The following PHF3 variants were observed in gnomAD, a reference collection of about 807,000 sequenced individuals.
PHF3 encodes PHD finger protein 3.
Under a neutral mutation model 178.4 loss-of-function variants are expected in PHF3, and 41 were observed. That is an observed-to-expected ratio of 0.23 (90% confidence interval 0.18 to 0.30). The LOEUF (loss-of-function observed/expected upper bound fraction) is 0.30. Ranked by LOEUF, PHF3 falls within the 10% of genes least tolerant of loss-of-function variation. The pLI is 1.00. For synonymous variants in PHF3, 842 were observed against 800.5 expected (o/e 1.05, Z -0.88); for missense variants, 2,346 against 2,398.1 (o/e 0.98, Z 0.45).
rs1767192719 is a variant in PHF3 at position 63,695,447 on chromosome 6, C to T, written c.2680+683C>T. On this transcript the variant is annotated intron_variant, in intron 6 of 15. Coordinates refer to ENST00000262043, the MANE Select transcript of PHF3 (RefSeq NM_001370348.2). ...GATGTGATTAATTTCTCCCAAGGAT[C>T]CCAGAATTCCAGTTTTACTAGTAAT... is the stretch of plus-strand genomic sequence containing the variant. Among the ~76,000 whole-genome samples the T allele has an allele frequency of 2.6e-5, 4 of 152,156 alleles. No homozygotes were observed. The South Asian group carries it at 8.3e-4, about 32-fold the overall frequency.
In PHF3 at chr6:63,713,713, T is replaced by C. The variant is rs1582131910; in HGVS notation, c.*5T>C. The C allele has an allele frequency of 6.5e-7, 1 of 1,543,018 alleles. No individual in the cohort carries two copies. Among genetic ancestry groups the C allele is most frequent in the East Asian group, 2.3e-5 (1 of 43,942 alleles). On this transcript the variant is annotated 3_prime_UTR_variant, in exon 16 of 16. Coordinates refer to ENST00000262043, the MANE Select transcript of PHF3 (RefSeq NM_001370348.2). ...AGAACTAAAAGCAAAAGGTAAAATT[T>C]GCAGGCTGCTTCAGGATTACATTTA... is the stretch of plus-strand genomic sequence containing the variant.
At chr6:63,686,569 C>G (rs1159107763) in intron 4 of PHF3, among the ~76,000 whole-genome samples, 1 of 152,114 alleles carries the variant, frequency 6.6e-6, no homozygotes, top group East Asian at 1.9e-4. Context: ...ATCATTCTTT[C>G]TAGTATTCAG....
intron 2 of PHF3, among the ~76,000 whole-genome samples, chr6:63,677,530 G>A (rs960447941): frequency 3.3e-5 from 5 of 152,170 alleles, no homozygotes; most frequent in African/African-American, 1.2e-4. Flanking sequence ...TTTGGCTTGC[G>A]AAATCCTGTT....
At chr6:63,641,011 A>G (rs544043403) in intron 1 of PHF3, among the ~76,000 whole-genome samples, 7 of 152,242 alleles carry the variant, frequency 4.6e-5, no homozygotes. Context: ...GATACAAAGC[A>G]TGTAGAACAA....
intron 1 of PHF3, among the ~76,000 whole-genome samples, chr6:63,637,798 A>G (rs904565504): frequency 7.2e-5 from 11 of 152,332 alleles, no homozygotes; most frequent in African/African-American, 2.6e-4. Flanking sequence ...AAAAGATTAC[A>G]ACTTTAGATT....
Position 63,725,049 on chromosome 6 carries a change from T to C in PHF3, c.*11341T>C, listed in dbSNP as rs1768558210. Among the ~76,000 whole-genome samples the C allele has an allele frequency of 1.3e-5, 2 of 152,170 alleles. No individual in the cohort carries two copies. The highest frequency in any genetic ancestry group is 4.1e-4 in the South Asian group (2 of 4,832). ...ACTTGATTACTAAAAAATAAGTTTA[T>C]GCCTTTCATCTGATAATTGTTTTTG... On this transcript the variant is annotated 3_prime_UTR_variant, in exon 16 of 16. Transcript: ENST00000262043.
rs1178561838 is a variant in PHF3 at position 63,716,825 on chromosome 6, A to G, written c.*3117A>G. On this transcript the variant is annotated 3_prime_UTR_variant, in exon 16 of 16. Transcript: ENST00000262043. Reference sequence around the variant, plus strand: ...CCTTCTGATTCCCTCTTCTACTACAAAGGACCCTTGTGATTACATTGACCC... The same window carrying G: ...CCTTCTGATTCCCTCTTCTACTACAGAGGACCCTTGTGATTACATTGACCC... Among the ~76,000 whole-genome samples, 1 of 151,874 alleles carries G rather than the reference A, an allele frequency of 6.6e-6. No homozygotes were observed. The highest frequency in any genetic ancestry group is 1.5e-5 in the Non-Finnish European group (1 of 67,964).
At position 63,694,562 on chromosome 6, in the gene PHF3, T is replaced by G; in HGVS notation, c.2497-19T>G. The G allele has an allele frequency of 7.0e-7, 1 of 1,434,200 alleles. No homozygotes were observed. The highest frequency in any genetic ancestry group is 9.2e-7 in the Non-Finnish European group (1 of 1,082,218). 88.8% of individuals were successfully genotyped at this position (1,434,200 alleles called of 1,614,324 possible). ...GTTTAGTTATTTTCATTCTAATGAA[T>G]TAAGTACTCATTTTCCAGGAGTCTG... is the stretch of plus-strand genomic sequence containing the variant. On this transcript the variant is annotated intron_variant, in intron 5 of 15. Coordinates refer to ENST00000262043, the MANE Select transcript of PHF3 (RefSeq NM_001370348.2).
At chr6:63,659,975 C>G (rs1020084388) in intron 2 of PHF3, among the ~76,000 whole-genome samples, 1 of 152,130 alleles carries the variant, frequency 6.6e-6, no homozygotes, top group Non-Finnish European at 1.5e-5. Flanking sequence ...GATCAGTGCT[C>G]TAAATCGGTT....
At chr6:63,705,918 G>T (rs1221333737) in intron 11 of PHF3, 111 bp from the exon 12 acceptor site, 3 of 740,762 alleles carry the variant, frequency 4.0e-6, no homozygotes, top group African/African-American at 1.8e-5. Context: ...GAAATGTATG[G>T]TTACTCAGCA....
At chr6:63,702,429 T>C in intron 9 of PHF3, 79 bp from the exon 10 acceptor site, 1 of 941,566 alleles carries the variant, frequency 1.1e-6, no homozygotes, top group Non-Finnish European at 1.5e-6. Flanking sequence ...TATTTTTAGG[T>C]AAGCTCTTAT....
chr6:63,639,842 A>C (rs2149533462), intron 1 of PHF3, among the ~76,000 whole-genome samples: 1 of 152,294 alleles, frequency 6.6e-6, no homozygotes, highest in African/African-American at 2.4e-5. Context: ...AGTTTTAATG[A>C]TGAGCTAGGT....
At chr6:63,711,390 A>G (rs770759971) in intron 15 of PHF3, 28 bp downstream of exon 15, 1 of 1,538,614 alleles carries the variant, frequency 6.5e-7, no homozygotes, top group South Asian at 1.2e-5. Context: ...TAATAGGATA[A>G]GAATGAAATA....
rs1768364817 is a variant in PHF3 at position 63,721,087 on chromosome 6, T to C, written c.*7379T>C. The C allele has an allele frequency of 3.2e-6, 5 of 1,551,384 alleles. No homozygotes were observed. Among genetic ancestry groups the C allele is most frequent in the South Asian group, 1.2e-5 (1 of 84,056 alleles). ...TTAGTGGTACTGAAATTTAAGGATA[T>C]AGTAGTGAACTGGAGGTTTCTCATT... On this transcript the variant is annotated 3_prime_UTR_variant, in exon 16 of 16. Coordinates refer to ENST00000262043, the MANE Select transcript of PHF3 (RefSeq NM_001370348.2).
chr6:63,706,630 T>G, intron 12 of PHF3, 99 bp from the exon 13 acceptor site: 2 of 945,252 alleles, frequency 2.1e-6, no homozygotes, highest in Non-Finnish European at 3.2e-6. Flanking sequence ...CCTCATATTT[T>G]GGCCTTCTTC....
intron 14 of PHF3, among the ~76,000 whole-genome samples, 180 bp from the exon 15 acceptor site, chr6:63,710,987 A>G (rs1162131359): frequency 6.6e-6 from 1 of 152,174 alleles, no homozygotes; most frequent in Non-Finnish European, 1.5e-5. Flanking sequence ...ATCAGTAAAG[A>G]TCTTTTCTTA....
chr6:63,700,273 C>T (rs1328656585), intron 8 of PHF3, 77 bp from the exon 9 acceptor site: 1 of 606,396 alleles, frequency 1.6e-6, no homozygotes, highest in African/African-American at 1.9e-5. Flanking sequence ...AAAATTGTAT[C>T]TTTATTATAA....
rs1398539356 is a variant in PHF3 at position 63,715,974 on chromosome 6, T to TA, written c.*2273dup. On this transcript the variant is annotated 3_prime_UTR_variant, in exon 16 of 16. Coordinates refer to ENST00000262043, the MANE Select transcript of PHF3 (RefSeq NM_001370348.2). ...TGCTCTTTAAAAAAAGTTTTACACTTAAAAAAACTTAGAATCATCTTAAGA... is the reference window on the plus strand; with the variant it reads ...TGCTCTTTAAAAAAAGTTTTACACTTAAAAAAAACTTAGAATCATCTTAAGA... Among the ~76,000 whole-genome samples, 2 of 152,102 alleles carry TA rather than the reference T, an allele frequency of 1.3e-5. No homozygotes were observed. The highest frequency in any genetic ancestry group is 2.9e-5 in the Non-Finnish European group (2 of 68,006).
Position 63,722,197 on chromosome 6 carries a change from T to G in PHF3, c.*8489T>G, listed in dbSNP as rs1479828576. The stretch of plus-strand genomic sequence containing the variant: ...CCTGTCTCTCCAACCTTACCTGGAA[T>G]GTTCTCTTTCCCCATCCTTACACTC... On this transcript the variant is annotated 3_prime_UTR_variant, in exon 16 of 16. Coordinates refer to ENST00000262043, the MANE Select transcript of PHF3 (RefSeq NM_001370348.2). Among the ~76,000 whole-genome samples, 1 of 152,186 alleles carries G rather than the reference T, an allele frequency of 6.6e-6. No homozygotes were observed. Among genetic ancestry groups the G allele is most frequent in the Non-Finnish European group, 1.5e-5 (1 of 68,030 alleles).
Sources: allele counts gnomAD v4.1 joint callset (sites outside exome capture counted in the v4.1 genomes callset), GRCh38; gene constraint gnomAD v4.1.1; transcripts MANE v1.5; gene names NCBI Gene and HGNC (gene_info 2026-07-23, HGNC 2026-07-21).